KSR2: variants seen among roughly 807,000 people sequenced by gnomAD.
The protein encoded by KSR2 is kinase suppressor of ras 2.
In KSR2, 25 loss-of-function variants were observed where a neutral mutation model predicts 107.8. That is an observed-to-expected ratio of 0.23 (90% CI 0.17 to 0.32). The LOEUF is 0.32. Ranked by LOEUF, KSR2 falls within the 10% of genes least tolerant of loss-of-function variation. KSR2 has a pLI of 1.00. For missense variants in KSR2, 887 were observed against 1,268.9 expected, an observed-to-expected ratio of 0.70 and a Z score of 4.57; for synonymous variants, 480 against 507.0, an observed-to-expected ratio of 0.95 and a Z score of 0.71.
At chr12:117,823,608 G>C (rs1244844633) in intron 3 of KSR2, among the ~76,000 whole-genome samples, 1 of 152,184 alleles carries the variant, frequency 6.6e-6, no homozygotes, top group African/African-American at 2.4e-5. Flanking sequence ...TAAGTTAAAG[G>C]TGCAGGTGAT....
intron 5 of KSR2, among the ~76,000 whole-genome samples, chr12:117,609,999 A>G (rs940610029): frequency 2.0e-5 from 3 of 152,162 alleles, no homozygotes; most frequent in Non-Finnish European, 4.4e-5. Flanking sequence ...TTTTTGCACA[A>G]AAGAGAAACT....
intron 1 of KSR2, among the ~76,000 whole-genome samples, chr12:117,922,954 A>G (rs998094355): frequency 6.6e-6 from 1 of 152,234 alleles, no homozygotes; most frequent in African/African-American, 2.4e-5. Flanking sequence ...AGTGAAAAAC[A>G]TGAGCTGCCC....
At chr12:117,707,746 AC>A (rs2136641454) in intron 4 of KSR2, among the ~76,000 whole-genome samples, 1 of 152,328 alleles carries the variant, frequency 6.6e-6, no homozygotes, top group African/African-American at 2.4e-5. Context: ...AGTCATCTAG[AC>A]TAGCCTCACA....
At chr12:117,873,111 G>A (rs551594629) in intron 1 of KSR2, among the ~76,000 whole-genome samples, 5 of 152,074 alleles carry the variant, frequency 3.3e-5, no homozygotes, top group African/African-American at 4.8e-5. Flanking sequence ...TTGGGAGGCC[G>A]AGGCAAGCAG....
At chr12:117,568,294 C>T (rs1236976898) in intron 7 of KSR2, among the ~76,000 whole-genome samples, 1 of 152,076 alleles carries the variant, frequency 6.6e-6, no homozygotes, top group Non-Finnish European at 1.5e-5. Context: ...TGTCATCTTT[C>T]AATTCAAGAA....
intron 5 of KSR2, among the ~76,000 whole-genome samples, chr12:117,643,682 G>A: frequency 6.6e-6 from 1 of 152,092 alleles, no homozygotes; most frequent in Middle Eastern, 3.2e-3. Context: ...TCTGCAGACT[G>A]GTCTCTGTAT....
chr12:117,551,534 T>G (rs1384793995), intron 9 of KSR2, among the ~76,000 whole-genome samples: 1 of 152,024 alleles, frequency 6.6e-6, no homozygotes, highest in Admixed American at 6.5e-5. Context: ...AAGAGCTGAG[T>G]TGCAAGCTCA....
intron 14 of KSR2, among the ~76,000 whole-genome samples, chr12:117,500,807 G>A (rs1404015827): frequency 6.6e-6 from 1 of 152,216 alleles, no homozygotes; most frequent in African/African-American, 2.4e-5. Flanking sequence ...TCTCTGCCAG[G>A]ACATGCAGCA....
intron 3 of KSR2, among the ~76,000 whole-genome samples, chr12:117,769,146 G>A (rs571662613): frequency 3.3e-5 from 5 of 152,254 alleles, no homozygotes; most frequent in East Asian, 3.9e-4. Context: ...CAGAAACCCC[G>A]GGATCACTCC....
chr12:117,516,928 T>G (rs1256580493), intron 14 of KSR2, among the ~76,000 whole-genome samples: 1 of 152,236 alleles, frequency 6.6e-6, no homozygotes, highest in East Asian at 1.9e-4. Flanking sequence ...TTTTCCAGTC[T>G]TCTTTGCAGT....
At chr12:117,812,568 C>T (rs1193984529) in intron 3 of KSR2, among the ~76,000 whole-genome samples, 2 of 152,098 alleles carry the variant, frequency 1.3e-5, no homozygotes, top group Non-Finnish European at 2.9e-5. Context: ...CTGTACTCTC[C>T]ATTTCCCAGC....
chr12:117,950,755 T>TAAA (rs1896340056), intron 1 of KSR2, among the ~76,000 whole-genome samples: 1 of 145,810 alleles, frequency 6.9e-6, no homozygotes, highest in African/African-American at 2.5e-5. Flanking sequence ...AAAAAAATAA[T>TAAA]AATAATAATA....
intron 7 of KSR2, among the ~76,000 whole-genome samples, chr12:117,564,080 G>A (rs1245985603): frequency 6.6e-6 from 1 of 152,184 alleles, no homozygotes; most frequent in Non-Finnish European, 1.5e-5. Flanking sequence ...GGCTCCTCAT[G>A]CTGTCAGTCC....
At chr12:117,681,012 G>A (rs1235070359) in intron 4 of KSR2, among the ~76,000 whole-genome samples, 1 of 152,210 alleles carries the variant, frequency 6.6e-6, no homozygotes, top group Non-Finnish European at 1.5e-5. Flanking sequence ...GCTCATGCCT[G>A]TAATCCCAGC....
intron 18 of KSR2, among the ~76,000 whole-genome samples, chr12:117,470,683 A>G (rs1871394902): frequency 6.6e-6 from 1 of 152,214 alleles, no homozygotes; most frequent in Non-Finnish European, 1.5e-5. Context: ...AACATACCAC[A>G]TCATTACTCC....
rs1890588441 is a variant in KSR2, at chr12:117,795,433, A to G, written c.473-33909T>C. ...AGCATGCCAAGTGGAACAGACTGGA[A>G]TGCCAGAAGAGCACAAGATTCAGAG... On this transcript the variant is annotated intron_variant, in intron 3 of 19. Coordinates refer to ENST00000339824, the MANE Select transcript of KSR2 (RefSeq NM_173598.6). Among the ~76,000 whole-genome samples the G allele has an allele frequency of 2.0e-5, 3 of 152,332 alleles. No individual in the cohort carries two copies. In the South Asian group the frequency reaches 6.2e-4, roughly 32 times the overall value.
At chr12:117,549,654 GA>G (rs1307765291) in intron 9 of KSR2, among the ~76,000 whole-genome samples, 1 of 152,172 alleles carries the variant, frequency 6.6e-6, no homozygotes, top group Non-Finnish European at 1.5e-5. Context: ...GGGTTGTATG[GA>G]AGAACAGGAG....
rs74664779 is a variant in KSR2 at position 117,585,568 on chromosome 12, T to C, written c.1172-3209A>G. On this transcript the variant is annotated intron_variant, in intron 5 of 19. Coordinates refer to ENST00000339824, the MANE Select transcript of KSR2 (RefSeq NM_173598.6). The stretch of plus-strand genomic sequence containing the variant: ...AAGATTTGAACTTTGAGATCCTCTC[T>C]TTGCTTTCTTCGTTTGGATTTTATT... Among the ~76,000 whole-genome samples, 40 of 152,338 alleles carry C rather than the reference T, an allele frequency of 2.6e-4. No individual in the cohort carries two copies. In the East Asian group the frequency reaches 6.6e-3, roughly 25 times the overall value.
chr12:117,667,619 G>C lies in KSR2; in HGVS notation c.1026C>G (p.His342Gln), dbSNP rs1039720054. The change falls in exon 5 of 20, where the codon CAC becomes CAG. Residue 342 changes from histidine (H) to glutamine (Q), a missense_variant. Transcript: ENST00000339824. ...TGTTCTCGCAGCTGCCTACGCTGCT[G>C]TGGATCTTGAGGTTCAAGGGTTTGC... The part of the protein sequence containing the change: ...KKSKPLNLKI[H>Q]SSVGSCENIP... 2 of 1,609,312 alleles carry C rather than the reference G, an allele frequency of 1.2e-6. No homozygotes were observed. Among genetic ancestry groups the C allele is most frequent in the South Asian group, 2.2e-5 (2 of 90,398 alleles).
Sources: gnomAD v4.1 joint callset for allele counts (sites outside exome capture counted in the v4.1 genomes callset) on GRCh38, gnomAD v4.1.1 for gene constraint, MANE v1.5 for transcripts, NCBI Gene and HGNC (gene_info 2026-07-23, HGNC 2026-07-21) for gene names.